KCNIP4: variants seen among roughly 807,000 people sequenced by gnomAD.
KCNIP4 encodes the protein Kv channel-interacting protein 4.
A neutral mutation model predicts 34.0 loss-of-function variants in KCNIP4; 12 were observed. The ratio of observed to expected loss-of-function variants is 0.35; its 90% CI spans 0.23 to 0.57. The LOEUF (loss-of-function observed/expected upper bound fraction) is 0.57. Among genes scored for constraint, KCNIP4 ranks in the 20% least tolerant of loss-of-function variants. The pLI is 0.83. For missense variants in KCNIP4, 238 were observed against 311.7 expected (o/e 0.76, Z 1.78); for synonymous variants, 124 against 102.2 (o/e 1.21, Z -1.29).
intron 1 of KCNIP4, among the ~76,000 whole-genome samples, chr4:20,929,536 A>G (rs1730230167): frequency 6.6e-6 from 1 of 152,090 alleles, no homozygotes; most frequent in Non-Finnish European, 1.5e-5. Flanking sequence ...TACTAGCAAT[A>G]GCAATCAGAC....
rs142888948 is a variant in KCNIP4, at chr4:21,443,030, T to G, written c.61+505541A>C. ...TAGGCCACATTTTCTTCTTTTTCTCTCACAACCCATATCCAATTTGTCACA... is the reference window on the plus strand; with the variant it reads ...TAGGCCACATTTTCTTCTTTTTCTCGCACAACCCATATCCAATTTGTCACA... On this transcript the variant is annotated intron_variant, in intron 1 of 8. Coordinates refer to ENST00000382152, the MANE Select transcript of KCNIP4 (RefSeq NM_025221.6). Among the ~76,000 whole-genome samples, 257 of 152,328 alleles carry G rather than the reference T, an allele frequency of 1.7e-3. 1 individual carries two copies. The highest frequency in any genetic ancestry group is 5.7e-3 in the African/African-American group (236 of 41,574).
At chr4:20,939,566 G>A (rs922057474) in intron 1 of KCNIP4, among the ~76,000 whole-genome samples, 2 of 151,850 alleles carry the variant, frequency 1.3e-5, no homozygotes, top group African/African-American at 4.8e-5. Context: ...TAGAGACAGG[G>A]TTTCATCATG....
chr4:21,740,557 T>C (rs1351215648), intron 1 of KCNIP4, among the ~76,000 whole-genome samples: 2 of 152,112 alleles, frequency 1.3e-5, no homozygotes, highest in Non-Finnish European at 2.9e-5. Context: ...GTGCTGGGTG[T>C]AAATCCATTG....
intron 1 of KCNIP4, among the ~76,000 whole-genome samples, chr4:20,932,804 A>T (rs1730620827): frequency 6.6e-6 from 1 of 152,220 alleles, no homozygotes; most frequent in African/African-American, 2.4e-5. Context: ...ATTAATATAA[A>T]GAAACAAATG....
intron 1 of KCNIP4, among the ~76,000 whole-genome samples, chr4:21,046,667 C>T (rs1275726966): frequency 6.6e-6 from 1 of 151,988 alleles, no homozygotes; most frequent in Non-Finnish European, 1.5e-5. Context: ...CCTCGGCTCA[C>T]TACAATCTCT....
intron 1 of KCNIP4, among the ~76,000 whole-genome samples, chr4:21,251,546 T>C (rs2109079033): frequency 6.6e-6 from 1 of 152,224 alleles, no homozygotes; most frequent in African/African-American, 2.4e-5. Context: ...AAGTATTCAT[T>C]TCATATTAAG....
At chr4:21,697,435 C>A in intron 1 of KCNIP4, 1 of 1,559,828 alleles carries the variant, frequency 6.4e-7, no homozygotes, top group Non-Finnish European at 8.6e-7. Flanking sequence ...TACAGCCACT[C>A]ATCTTAAGCA....
intron 1 of KCNIP4, among the ~76,000 whole-genome samples, chr4:21,100,885 G>T (rs1435009856): frequency 6.6e-6 from 1 of 150,408 alleles, no homozygotes; most frequent in African/African-American, 2.5e-5. Context: ...AATATGTTCA[G>T]TTCAATAGGT....
chr4:21,673,328 T>C (rs755098937), intron 1 of KCNIP4, among the ~76,000 whole-genome samples: 2 of 152,206 alleles, frequency 1.3e-5, no homozygotes, highest in African/African-American at 2.4e-5. Flanking sequence ...ACATTCTTTA[T>C]ATCTTCTTGG....
chr4:21,799,352 T>C (rs1180118320), intron 1 of KCNIP4, among the ~76,000 whole-genome samples: 2 of 152,164 alleles, frequency 1.3e-5, no homozygotes, highest in Non-Finnish European at 2.9e-5. Context: ...TATGGGTAAC[T>C]CCAAACACCA....
chr4:21,223,766 A>T (rs770583340), intron 1 of KCNIP4, among the ~76,000 whole-genome samples: 13 of 152,088 alleles, frequency 8.5e-5, no homozygotes, highest in Non-Finnish European at 1.3e-4. Context: ...TTTCTTACTT[A>T]GTTGATGAAT....
chr4:21,641,348 C>T (rs530403017), intron 1 of KCNIP4, among the ~76,000 whole-genome samples: 1 of 152,340 alleles, frequency 6.6e-6, no homozygotes, highest in Admixed American at 6.5e-5. Context: ...ATACAATAGA[C>T]AGCCACAGCA....
chr4:21,630,688 C>A (rs1352624984), intron 1 of KCNIP4, among the ~76,000 whole-genome samples: 1 of 152,080 alleles, frequency 6.6e-6, no homozygotes, highest in Non-Finnish European at 1.5e-5. Context: ...TGATTGAAAA[C>A]AAACACACTA....
At chr4:21,646,271 A>G (rs1043535025) in intron 1 of KCNIP4, among the ~76,000 whole-genome samples, 2 of 152,168 alleles carry the variant, frequency 1.3e-5, no homozygotes, top group East Asian at 1.9e-4. Flanking sequence ...TGAGTTGCCA[A>G]TGTAGTTCCC....
Position 21,367,773 on chromosome 4 carries a change from A to AT in KCNIP4, c.62-485065dup, listed in dbSNP as rs944454603. 3.6e-4 allele frequency among the ~76,000 whole-genome samples: 53 copies of AT among 147,340 alleles called. 7 individuals are homozygous for AT. The highest frequency in any genetic ancestry group is 1.3e-3 in the African/African-American group (48 of 37,080). ...CATCACTACATTTTACCTGTCAGGG[A>AT]TTTTTTTTAAGTCTACATATGCAAA... On this transcript the variant is annotated intron_variant, in intron 1 of 8. Transcript: ENST00000382152.
At chr4:20,909,036 A>G (rs1269440564) in intron 1 of KCNIP4, among the ~76,000 whole-genome samples, 1 of 152,208 alleles carries the variant, frequency 6.6e-6, no homozygotes, top group African/African-American at 2.4e-5. Context: ...CATTATGGTA[A>G]CTTTAGATGA....
intron 1 of KCNIP4, among the ~76,000 whole-genome samples, chr4:21,714,828 TA>T (rs1413217025): frequency 4.2e-3 from 1 of 238 alleles, no homozygotes; most frequent in Non-Finnish European, 8.1e-3. Flanking sequence ...TATTTTATTT[TA>T]TTTTATTTTA....
intron 1 of KCNIP4, among the ~76,000 whole-genome samples, chr4:21,470,662 TAAAG>T (rs1192061235): frequency 1.3e-5 from 2 of 151,554 alleles, no homozygotes; most frequent in Non-Finnish European, 2.9e-5. Flanking sequence ...TATGAAAAAA[TAAAG>T]AGAGGCACAC....
intron 1 of KCNIP4, among the ~76,000 whole-genome samples, chr4:21,130,967 G>C (rs1461445986): frequency 1.3e-5 from 2 of 152,212 alleles, no homozygotes; most frequent in East Asian, 1.9e-4. Flanking sequence ...TCAAGCCATT[G>C]TAAGTCCAGA....
Sources: gnomAD v4.1 joint callset for allele counts (sites outside exome capture counted in the v4.1 genomes callset) on GRCh38, gnomAD v4.1.1 for gene constraint, MANE v1.5 for transcripts, NCBI Gene and HGNC (gene_info 2026-07-23, HGNC 2026-07-21) for gene names.